The following GPC6 variants were observed in gnomAD, a reference collection of about 807,000 sequenced individuals.
GPC6 encodes the protein glypican-6.
A neutral mutation model predicts 55.2 loss-of-function variants in GPC6; 14 were observed. That is an observed-to-expected ratio of 0.25 (90% CI 0.17 to 0.40). The LOEUF (loss-of-function observed/expected upper bound fraction) is 0.40. Among genes scored for constraint, GPC6 ranks in the 10% least tolerant of loss-of-function variants. The probability of loss-of-function intolerance (pLI) is 1.00; values close to 1 mark genes in which losing one functional copy is unlikely to be tolerated. For synonymous variants in GPC6, 278 were observed against 259.6 expected (o/e 1.07, Z -0.68); for missense variants, 641 against 708.5 (o/e 0.90, Z 1.08).
At chr13:93,670,003 G>A (rs138207196) in intron 2 of GPC6, among the ~76,000 whole-genome samples, 2 of 152,258 alleles carry the variant, frequency 1.3e-5, no homozygotes, top group Non-Finnish European at 2.9e-5. Flanking sequence ...GTTGTTATCA[G>A]CTTCAGTCGC....
chr13:93,226,209 C>T (rs1875775802), upstream of GPC6, among the ~76,000 whole-genome samples: 1 of 152,092 alleles, frequency 6.6e-6, no homozygotes. Flanking sequence ...ACCTCTGACC[C>T]TTGTGCTCTC....
At chr13:94,007,377 G>T (rs769141537) in intron 3 of GPC6, among the ~76,000 whole-genome samples, 2 of 152,202 alleles carry the variant, frequency 1.3e-5, no homozygotes, top group African/African-American at 2.4e-5. Context: ...CCCTCATGGA[G>T]CTTACAGTCT....
intron 6 of GPC6, among the ~76,000 whole-genome samples, chr13:94,358,106 A>G (rs1439145705): frequency 1.3e-5 from 2 of 152,120 alleles, no homozygotes; most frequent in African/African-American, 2.4e-5. Flanking sequence ...CCTGACCAGT[A>G]TGGTGAAACC....
upstream of GPC6, among the ~76,000 whole-genome samples, chr13:93,222,232 A>T (rs1279760433): frequency 6.6e-6 from 1 of 152,212 alleles, no homozygotes; most frequent in Non-Finnish European, 1.5e-5. Flanking sequence ...TTTTTGTCTC[A>T]TAACCAAGGA....
intron 2 of GPC6, among the ~76,000 whole-genome samples, chr13:93,617,932 G>T (rs1335260575): frequency 6.6e-6 from 1 of 151,976 alleles, no homozygotes; most frequent in African/African-American, 2.4e-5. Context: ...GTAATTAAAT[G>T]TAGGAAATAG....
chr13:93,979,936 A>C (rs1159084693), intron 3 of GPC6, among the ~76,000 whole-genome samples: 1 of 152,062 alleles, frequency 6.6e-6, no homozygotes, highest in African/African-American at 2.4e-5. Flanking sequence ...CAGCCTTCTC[A>C]ATTTGCAAAT....
At chr13:93,348,079 T>C (rs1880490144) in intron 1 of GPC6, among the ~76,000 whole-genome samples, 1 of 152,176 alleles carries the variant, frequency 6.6e-6, no homozygotes, top group Admixed American at 6.5e-5. Flanking sequence ...CATAATGTTT[T>C]TTAATATACC....
At chr13:93,567,886 A>G (rs1467367827) in intron 2 of GPC6, among the ~76,000 whole-genome samples, 3 of 152,182 alleles carry the variant, frequency 2.0e-5, no homozygotes, top group Non-Finnish European at 4.4e-5. Flanking sequence ...GTGGCTCACC[A>G]TGGTCATACA....
chr13:94,168,349 C>G (rs1888438382), intron 4 of GPC6, among the ~76,000 whole-genome samples: 1 of 152,184 alleles, frequency 6.6e-6, no homozygotes, highest in Admixed American at 6.5e-5. Flanking sequence ...GATTTGTTGG[C>G]TGTTAAAGCA....
chr13:93,832,089 C>A (rs1213475384), intron 3 of GPC6, among the ~76,000 whole-genome samples: 1 of 8,536 alleles, frequency 1.2e-4, no homozygotes, highest in African/African-American at 5.0e-4. Context: ...GACTCCAACT[C>A]AAAAAAAAAA....
In GPC6 at chr13:93,314,754, T is replaced by TGTGCGCGC. The variant is rs1555290022; in HGVS notation, c.160+87142_160+87143insGCGCGTGC. Reference sequence around the variant, plus strand: ...GTGTGTGTGTGTGTGTGTGTGTGTGTGTGCACGCATGTGCTGAGAAATGAG... The same window carrying TGTGCGCGC: ...GTGTGTGTGTGTGTGTGTGTGTGTGTGTGCGCGCGTGCACGCATGTGCTGAGAAATGAG... On this transcript the variant is annotated intron_variant, in intron 1 of 8. Coordinates refer to ENST00000377047, the MANE Select transcript of GPC6 (RefSeq NM_005708.5). 1.3e-3 allele frequency among the ~76,000 whole-genome samples: 194 copies of TGTGCGCGC among 149,392 alleles called. 1 individual carries two copies. The highest frequency in any genetic ancestry group is 4.7e-3 in the African/African-American group (188 of 40,164).
chr13:93,361,244 A>G (rs1881029892), intron 1 of GPC6, among the ~76,000 whole-genome samples: 1 of 152,130 alleles, frequency 6.6e-6, no homozygotes, highest in South Asian at 2.1e-4. Flanking sequence ...AGGAACCAAG[A>G]TGAGTTTCCC....
At chr13:94,195,322 T>G (rs1889536923) in intron 4 of GPC6, among the ~76,000 whole-genome samples, 1 of 152,096 alleles carries the variant, frequency 6.6e-6, no homozygotes, top group Admixed American at 6.5e-5. Context: ...GGAAATTGGT[T>G]TGAAATTCCA....
At chr13:93,737,376 C>T (rs1884042750) in intron 2 of GPC6, among the ~76,000 whole-genome samples, 1 of 152,068 alleles carries the variant, frequency 6.6e-6, no homozygotes, top group Non-Finnish European at 1.5e-5. Flanking sequence ...GTTTTCTAAT[C>T]TTCTGAAGTA....
intron 2 of GPC6, among the ~76,000 whole-genome samples, chr13:93,711,038 C>T (rs1014174295): frequency 2.0e-5 from 3 of 151,614 alleles, no homozygotes; most frequent in Non-Finnish European, 4.4e-5. Context: ...CTGAATATGA[C>T]CATATGTTTA....
At chr13:94,028,190 C>T (rs1029587427) in intron 4 of GPC6, among the ~76,000 whole-genome samples, 5 of 151,880 alleles carry the variant, frequency 3.3e-5, no homozygotes, top group Non-Finnish European at 7.4e-5. Context: ...GCTTGAGCTT[C>T]GGAGGTTGAG....
chr13:93,841,309 T>A (rs1887946064), intron 3 of GPC6, among the ~76,000 whole-genome samples: 1 of 152,264 alleles, frequency 6.6e-6, no homozygotes, highest in East Asian at 1.9e-4. Flanking sequence ...CTAACATTTT[T>A]AAAAATGAGA....
At chr13:94,165,761 C>T (rs1320212650) in intron 4 of GPC6, among the ~76,000 whole-genome samples, 7 of 152,156 alleles carry the variant, frequency 4.6e-5, no homozygotes, top group African/African-American at 1.7e-4. Context: ...ATTATTTGTA[C>T]TTTAACAATA....
At chr13:93,727,789 C>T (rs999804466) in intron 2 of GPC6, among the ~76,000 whole-genome samples, 4 of 152,132 alleles carry the variant, frequency 2.6e-5, no homozygotes, top group African/African-American at 9.7e-5. Context: ...GTCTGAGGCC[C>T]TCCTTGGTCT....
Sources: allele counts gnomAD v4.1 joint callset (sites outside exome capture counted in the v4.1 genomes callset), GRCh38; gene constraint gnomAD v4.1.1; transcripts MANE v1.5; gene names NCBI Gene and HGNC (gene_info 2026-07-23, HGNC 2026-07-21).